Variants in RGS3 observed in about 807,000 individuals in gnomAD.
RGS3 encodes the protein regulator of G protein signaling 3.
In RGS3, 80 loss-of-function variants were observed where a neutral mutation model predicts 132.6. The ratio of observed to expected loss-of-function variants is 0.60; its 90% CI spans 0.50 to 0.73. The LOEUF (loss-of-function observed/expected upper bound fraction) is 0.73. Ranked by LOEUF, RGS3 falls within the 30% of genes least tolerant of loss-of-function variation. RGS3 has a pLI of 0.00. For synonymous variants in RGS3, 598 were observed against 620.6 expected (o/e 0.96, Z 0.54); for missense variants, 1,382 against 1,530.8 (o/e 0.90, Z 1.62).
intron 1 of RGS3, among the ~76,000 whole-genome samples, chr9:113,447,323 G>GTGTATATATATA (rs1829126189): frequency 1.7e-4 from 5 of 29,404 alleles, no homozygotes; most frequent in Non-Finnish European, 3.4e-4. Flanking sequence ...TCTGATGTAT[G>GTGTATATATATA]TATATGTATA....
At chr9:113,496,319 C>T (rs1830681517) in intron 8 of RGS3, among the ~76,000 whole-genome samples, 1 of 152,120 alleles carries the variant, frequency 6.6e-6, no homozygotes, top group African/African-American at 2.4e-5. Flanking sequence ...TGGAGGAGGA[C>T]TCTTTGGGAC....
At chr9:113,497,208 C>T (rs879345448) in intron 8 of RGS3, 106 bp from the exon 7 acceptor site, 153 of 818,298 alleles carry the variant, frequency 1.9e-4, no homozygotes, top group Admixed American at 2.6e-4. Context: ...GTCTGTCTCT[C>T]CTGTGGGTGG....
exon 20 of RGS3, chr9:113,583,797 A>G (rs1834951518): frequency 6.2e-7 from 1 of 1,613,640 alleles, no homozygotes. Context: ...AGGACCCTCT[A>G]CTCACCAAAG....
exon 22 of RGS3, chr9:113,594,481 C>T: frequency 6.2e-7 from 1 of 1,613,720 alleles, no homozygotes; most frequent in Non-Finnish European, 8.5e-7. Flanking sequence ...GGAATGAGTC[C>T]CCTGGAGCCC....
chr9:113,499,764 T>A (rs969663296), intron 10 of RGS3, among the ~76,000 whole-genome samples: 6 of 152,226 alleles, frequency 3.9e-5, no homozygotes, highest in Non-Finnish European at 7.3e-5. Context: ...GAGCACTTAG[T>A]GGCTAGTGTG....
intron 10 of RGS3, chr9:113,501,686 G>C (rs539519793): frequency 6.7e-7 from 1 of 1,496,472 alleles, no homozygotes; most frequent in Non-Finnish European, 9.0e-7. Context: ...TAGGGGTAGA[G>C]GGACCATCTG....
At chr9:113,540,191 T>C (rs931741248) in intron 19 of RGS3, among the ~76,000 whole-genome samples, 4 of 152,110 alleles carry the variant, frequency 2.6e-5, no homozygotes, top group African/African-American at 9.7e-5. Flanking sequence ...TGGGAATCCT[T>C]GTACTAAACT....
chr9:113,596,316 A>G (rs2119073822), intron 24 of RGS3, among the ~76,000 whole-genome samples: 1 of 152,380 alleles, frequency 6.6e-6, no homozygotes, highest in South Asian at 2.1e-4. Flanking sequence ...CCTGAGTGAC[A>G]GAGACAAATC....
Position 113,498,089 on chromosome 9 carries a change from G to A in RGS3, c.897+9G>A. The A allele has an allele frequency of 6.2e-7, 1 of 1,613,518 alleles. No homozygotes were observed. The highest frequency in any genetic ancestry group is 8.5e-7 in the Non-Finnish European group (1 of 1,179,484). ...ATGGGAAGAAACTAAAGGTAGGTGG[G>A]GACAAGCTAGGGCATTGCTCCAGGA... On this transcript the variant is annotated intron_variant, in intron 10 of 24. Transcript: ENST00000350696.
chr9:113,585,530 T>G (rs1380692134), intron 20 of RGS3, among the ~76,000 whole-genome samples: 1 of 152,178 alleles, frequency 6.6e-6, no homozygotes, highest in Non-Finnish European at 1.5e-5. Flanking sequence ...CTCAGAGATC[T>G]AGAACTTCAG....
At chr9:113,541,348 A>C in intron 19 of RGS3, 1 of 1,613,864 alleles carries the variant, frequency 6.2e-7, no homozygotes, top group Non-Finnish European at 8.5e-7. Context: ...TCTCTCCAGC[A>C]GGAGATGGGG....
chr9:113,576,187 G>A (rs1330234246), intron 19 of RGS3, among the ~76,000 whole-genome samples: 2 of 151,758 alleles, frequency 1.3e-5, no homozygotes, highest in East Asian at 1.9e-4. Flanking sequence ...GCGACAGAGC[G>A]AGACTCCATC....
At chr9:113,580,913 TCCCCACTCAG>T in intron 19 of RGS3, 2 of 984,874 alleles carry the variant, frequency 2.0e-6, no homozygotes, top group Non-Finnish European at 2.4e-6. Context: ...TGCGGCCCGC[TCCCCACTCAG>T]TGCCACTCTG....
chr9:113,462,289 GT>G (rs1376929884), intron 3 of RGS3: 2 of 388,744 alleles, frequency 5.1e-6, no homozygotes, highest in African/African-American at 5.2e-5. Flanking sequence ...TGTAACCGGG[GT>G]TGGAGGGGGA....
chr9:113,487,678 G>C (rs1052705879), intron 7 of RGS3, among the ~76,000 whole-genome samples: 2 of 152,184 alleles, frequency 1.3e-5, no homozygotes, highest in African/African-American at 4.8e-5. Context: ...AGTGAGGAGG[G>C]ATCTGCAAAC....
chr9:113,591,717 A>C lies in RGS3; in HGVS notation c.3080+320A>C. On this transcript the variant is annotated intron_variant, in intron 21 of 24. Transcript: ENST00000350696. This position sits in a 1 kb window ranked among gnomAD's most constrained non-coding sequence, Gnocchi z 4.4. ...AAGCAGGGACCAAGTGACTTCAACAACTCCTTTGCTCCCTCTGGGCCCAAG... is the reference window on the plus strand; with the variant it reads ...AAGCAGGGACCAAGTGACTTCAACACCTCCTTTGCTCCCTCTGGGCCCAAG... 1 of 315,390 alleles carries C rather than the reference A, an allele frequency of 3.2e-6. No homozygotes were observed. Among genetic ancestry groups the C allele is most frequent in the Non-Finnish European group, 6.2e-6 (1 of 160,606 alleles). 19.5% of individuals were successfully genotyped at this position (315,390 alleles called of 1,614,324 possible).
chr9:113,479,602 G>A, intron 4 of RGS3, 61 bp downstream of exon 2: 3 of 1,538,940 alleles, frequency 1.9e-6, no homozygotes, highest in Non-Finnish European at 2.7e-6. Context: ...TTGCTGCCTG[G>A]GGCTGGGGTT....
At chr9:113,514,569 T>A (rs1831558530) in exon 15 of RGS3, 1 of 1,613,976 alleles carries the variant, frequency 6.2e-7, no homozygotes, top group Non-Finnish European at 8.5e-7. Context: ...AACTGCCCGG[T>A]TGTGAGGCCG....
upstream of RGS3, among the ~76,000 whole-genome samples, chr9:113,460,036 T>C (rs1305920927): frequency 1.4e-5 from 2 of 141,832 alleles, no homozygotes; most frequent in Non-Finnish European, 1.5e-5. Flanking sequence ...AGAGAAACTC[T>C]CTCAAAAAAA....
Sources: gnomAD v4.1 joint callset for allele counts (sites outside exome capture counted in the v4.1 genomes callset) on GRCh38, gnomAD v4.1.1 for gene constraint, Gnocchi (gnomAD v3.1) non-coding constraint, MANE v1.5 for transcripts, NCBI Gene and HGNC (gene_info 2026-07-23, HGNC 2026-07-21) for gene names.